Variants in KIF19 observed in about 807,000 individuals in gnomAD.
KIF19 encodes the protein kinesin-like protein KIF19.
In KIF19, 98 loss-of-function variants were observed where a neutral mutation model predicts 106.6. The observed-to-expected ratio is 0.92, with a 90% CI of 0.78 to 1.09. The LOEUF (loss-of-function observed/expected upper bound fraction) is 1.09, where lower values mean the gene tolerates loss of function less well. KIF19 is among the 50% of genes least tolerant of loss of function. The pLI, the probability that KIF19 is intolerant of heterozygous loss-of-function variation, is 0.00. For missense variants in KIF19, 1,373 were observed against 1,414.3 expected, an observed-to-expected ratio of 0.97 and a Z score of 0.47; for synonymous variants, 516 against 584.2, an observed-to-expected ratio of 0.88 and a Z score of 1.68.
At chr17:74,340,555 G>GCACACACACGCACA in intron 2 of KIF19, among the ~76,000 whole-genome samples, 1 of 148,210 alleles carries the variant, frequency 6.7e-6, no homozygotes, top group Non-Finnish European at 1.5e-5. Context: ...ATGCGCGCGC[G>GCACACACACGCACA]TACACACACA....
intron 4 of KIF19, 47 bp from the exon 5 acceptor site, chr17:74,342,977 T>TACCA: frequency 4.6e-6 from 7 of 1,527,884 alleles, no homozygotes; most frequent in Non-Finnish European, 6.2e-6. Context: ...CAGCAAGGCC[T>TACCA]CCCTCCCAGC....
chr17:74,340,150 A>G (rs926013782), intron 2 of KIF19, among the ~76,000 whole-genome samples: 1 of 152,084 alleles, frequency 6.6e-6, no homozygotes, highest in African/African-American at 2.4e-5. Context: ...AGCAGGTTAT[A>G]CCAGGCCCGA....
chr17:74,342,497 C>G, intron 3 of KIF19, 133 bp from the exon 4 acceptor site: 1 of 679,938 alleles, frequency 1.5e-6, no homozygotes, highest in Non-Finnish European at 2.6e-6. Flanking sequence ...TCCCCCACCC[C>G]CCACCCCCAC....
Position 74,341,920 on chromosome 17 carries a change from GCGGGCGCATCGCTCC to G in KIF19, c.170_184del (p.Ala57_Arg61del). On this transcript the variant is annotated inframe_deletion, in exon 3 of 20. Transcript: ENST00000389916. ...CAATGGAGGATCCCGACGACATCCT[GCGGGCGCATCGCTCC>G]CGGGAGAAGTCCTACCTGTTCGACG... 1.2e-6 allele frequency: 2 copies of G among 1,613,752 alleles called. No homozygotes were observed. The highest frequency in any genetic ancestry group is 4.5e-5 in the East Asian group (2 of 44,864).
chr17:74,355,466 T>A lies in KIF19; in HGVS notation c.*154T>A. The A allele has an allele frequency of 2.1e-6, 2 of 963,966 alleles. No individual in the cohort carries two copies. The highest frequency in any genetic ancestry group is 2.9e-6 in the Non-Finnish European group (2 of 679,062). 59.7% of individuals were successfully genotyped at this position (963,966 alleles called of 1,614,324 possible). A position where few individuals can be genotyped will look rare whatever the true frequency, so the allele number is the denominator to read the frequency against. On this transcript the variant is annotated 3_prime_UTR_variant, in exon 20 of 20. Coordinates refer to ENST00000389916, the MANE Select transcript of KIF19 (RefSeq NM_153209.4). ...CCTGAGACCCAGGAACTGGGGTCTC[T>A]GCCCAACCCTCCCATGCTTTCAGTG...
intron 2 of KIF19, among the ~76,000 whole-genome samples, chr17:74,340,717 A>G (rs2054349325): frequency 6.6e-6 from 1 of 152,136 alleles, no homozygotes; most frequent in Non-Finnish European, 1.5e-5. Context: ...GCAAAGGGCC[A>G]CTGGAGCAGT....
rs34016821 is a variant in KIF19, at chr17:74,344,842, G to A, written c.664G>A (p.Ala222Thr). 2.2e-3 allele frequency: 3,615 copies of A among 1,612,806 alleles called. 6 individuals are homozygous for A. The highest frequency in any genetic ancestry group is 7.0e-3 in the Middle Eastern group (42 of 6,042). ...AANQTSSRSH[A>T]VLQVTVRQRS... The stretch of plus-strand genomic sequence containing the variant: ...CAACCAGACGTCCTCCCGCTCCCAC[G>A]CGGTACTGCAGGTGACCGTGCGCCA... The change falls in exon 7 of 20, where the codon GCG (alanine) becomes ACG (threonine). Residue 222 changes from alanine (A) to threonine (T), a missense_variant. By Grantham distance (58) the Ala-to-Thr change is moderately conservative. This residue lies in a region of KIF19 where 348 missense variants were observed against 389.5 expected (regional missense o/e 0.89). Coordinates refer to ENST00000389916, the MANE Select transcript of KIF19 (RefSeq NM_153209.4).
chr17:74,354,493 G>A lies in KIF19; in HGVS notation c.2640G>A (p.Arg880=), dbSNP rs267605037. The change falls in exon 18 of 20, where the codon AGG becomes AGA. Residue 880 remains arginine, a synonymous_variant. Transcript: ENST00000389916. The part of the protein sequence containing the change: ...RGQKKSLGKK[R]EESLEAKRRK... ...AGAAGAAAAGCCTGGGCAAGAAAAG[G>A]GAGGAGTCGCTGGAGGCAAAGAGAA... is the stretch of plus-strand genomic sequence containing the variant. 1 of 1,606,432 alleles carries A rather than the reference G, an allele frequency of 6.2e-7. No individual in the cohort carries two copies. The highest frequency in any genetic ancestry group is 1.1e-5 in the South Asian group (1 of 89,762).
intron 1 of KIF19, 31 bp from the exon 2 acceptor site, chr17:74,328,394 C>CT: frequency 6.3e-7 from 1 of 1,584,238 alleles, no homozygotes; most frequent in South Asian, 1.2e-5. Context: ...TCCTCTCCCT[C>CT]TAATCCCAGG....
intron 12 of KIF19, chr17:74,351,328 C>CAAA (rs66627748): frequency 0.04 from 3,207 of 79,252 alleles, 175 homozygotes; most frequent in African/African-American, 0.13. Context: ...ACTAAAAATA[C>CAAA]AAAAAAAAAA....
rs2054470366 is a variant in KIF19, at chr17:74,344,351, G to A, written c.582+3G>A. 4 of 1,611,650 alleles carry A rather than the reference G, an allele frequency of 2.5e-6. No individual in the cohort carries two copies. Among genetic ancestry groups the A allele is most frequent in the East Asian group, 2.2e-5 (1 of 44,844 alleles). On this transcript the variant is annotated splice_donor_region_variant and intron_variant, in intron 6 of 19. Coordinates refer to ENST00000389916, the MANE Select transcript of KIF19 (RefSeq NM_153209.4). ...TCTCCACCATCAATGCCAAGGAGGC[G>A]AGTTTTGTGTGGCCAGCCTGGAGCC...
chr17:74,342,144 A>C lies in KIF19; in HGVS notation c.231+158A>C, dbSNP rs1354940316. ...GCCTTCCCCATTCAGGAAGGTTCTC[A>C]TGCACACAAGGCACACACACCCGGC... On this transcript the variant is annotated intron_variant, in intron 3 of 19. Transcript: ENST00000389916. 2.6e-5 allele frequency among the ~76,000 whole-genome samples: 4 copies of C among 152,136 alleles called. No homozygotes were observed. In the East Asian group the frequency reaches 7.7e-4, roughly 29 times the overall value.
chr17:74,350,347 T>C, intron 10 of KIF19, 54 bp from the exon 11 acceptor site: 1 of 1,512,000 alleles, frequency 6.6e-7, no homozygotes, highest in East Asian at 2.5e-5. Flanking sequence ...GGCCCAGGCT[T>C]TGCTAGCTGA....
chr17:74,343,291 G>C, intron 5 of KIF19, 131 bp downstream of exon 5: 1 of 932,880 alleles, frequency 1.1e-6, no homozygotes, highest in African/African-American at 1.7e-5. Context: ...TACAAACATC[G>C]CAGGCTCATC....
rs1192995949 is a variant in KIF19, at chr17:74,328,932, A to G, written c.120+427A>G. On this transcript the variant is annotated intron_variant, in intron 2 of 19. Transcript: ENST00000389916. ...ATGAGGAAGGCAGGGCACACGAGGC[A>G]ATAAGTGTGTATCAAGTACCAGCAG... 2.5e-5 allele frequency: 4 copies of G among 161,870 alleles called. No individual in the cohort carries two copies. The South Asian group carries it at 5.2e-4, about 21-fold the overall frequency. 10.0% of individuals were successfully genotyped at this position (161,870 alleles called of 1,614,324 possible).
At position 74,352,204 on chromosome 17, in the gene KIF19, C is replaced by A; in HGVS notation, c.1859-15C>A. ...GGCCGCTGGCACTCACTGAGCCCTG[C>A]CCCTTCCCCAGCAGACTACAACCTG... On this transcript the variant is annotated splice_polypyrimidine_tract_variant and intron_variant, in intron 13 of 19. Transcript: ENST00000389916. 1.2e-6 allele frequency: 2 copies of A among 1,607,504 alleles called. No individual in the cohort carries two copies. The highest frequency in any genetic ancestry group is 1.1e-5 in the South Asian group (1 of 90,314).
Position 74,350,746 on chromosome 17 carries a change from G to A in KIF19, c.1428G>A (p.Arg476=), listed in dbSNP as rs2054677669. The change falls in exon 12 of 20, where the codon CGG becomes CGA. Residue 476 remains arginine (R), a synonymous_variant. Transcript: ENST00000389916. ...HEKSRRALKW[R]EEQRKECYAK... Reference sequence around the variant, plus strand: ...AGTCCCGCCGGGCCCTCAAATGGCGGGAGGAGCAGCGAAAGGAGTGCTACG... The same window carrying A: ...AGTCCCGCCGGGCCCTCAAATGGCGAGAGGAGCAGCGAAAGGAGTGCTACG... The A allele has an allele frequency of 6.2e-7, 1 of 1,613,850 alleles. No individual in the cohort carries two copies. Among genetic ancestry groups the A allele is most frequent in the Admixed American group, 1.7e-5 (1 of 60,014 alleles).
Position 74,346,664 on chromosome 17 carries a change from G to A in KIF19, c.924+140G>A, listed in dbSNP as rs923277873. On this transcript the variant is annotated intron_variant, in intron 8 of 19. Coordinates refer to ENST00000389916, the MANE Select transcript of KIF19 (RefSeq NM_153209.4). This position sits in a 1 kb window ranked among gnomAD's most constrained non-coding sequence, Gnocchi z 4.6. ...TTATTTTAGCGTAAATATGTCCCAT[G>A]AAATATTTGGGATATTCTTATGCTA... 1.3e-6 allele frequency: 1 copy of A among 756,810 alleles called. No individual in the cohort carries two copies. The highest frequency in any genetic ancestry group is 1.8e-5 in the African/African-American group (1 of 56,726). 46.9% of individuals were successfully genotyped at this position (756,810 alleles called of 1,614,324 possible).
At chr17:74,344,662 T>G in intron 6 of KIF19, 99 bp from the exon 7 acceptor site, 1 of 1,291,530 alleles carries the variant, frequency 7.7e-7, no homozygotes, top group Non-Finnish European at 1.1e-6. Flanking sequence ...TCCCAACTGC[T>G]CAGACATAGG....
Sources: gnomAD v4.1 joint callset for allele counts (sites outside exome capture counted in the v4.1 genomes callset) on GRCh38, gnomAD v4.1.1 for gene constraint, gnomAD v4.1.1 regional missense constraint, Gnocchi (gnomAD v3.1) non-coding constraint, MANE v1.5 for transcripts, NCBI Gene and HGNC (gene_info 2026-07-23, HGNC 2026-07-21) for gene names.